EPHB1: variants seen among roughly 807,000 people sequenced by gnomAD.
The protein encoded by EPHB1 is EPH receptor B1, also known as ephrin type-B receptor 1.
Under a neutral mutation model 94.4 loss-of-function variants are expected in EPHB1, and 30 were observed. The observed-to-expected ratio is 0.32, with a 90% CI of 0.24 to 0.43. The LOEUF is 0.43. Ranked by LOEUF, EPHB1 falls within the 20% of genes least tolerant of loss-of-function variation. The pLI is 1.00. For synonymous variants in EPHB1, 522 were observed against 489.1 expected (o/e 1.07, Z -0.89); for missense variants, 1,055 against 1,308.3 (o/e 0.81, Z 2.99).
intron 1 of EPHB1, among the ~76,000 whole-genome samples, chr3:134,821,629 T>C (rs981536369): frequency 6.6e-6 from 1 of 151,988 alleles, no homozygotes; most frequent in Non-Finnish European, 1.5e-5. Context: ...GATTGTGTAA[T>C]AAAGAAGAAA....
At chr3:134,964,580 G>A (rs1933656618) in intron 3 of EPHB1, among the ~76,000 whole-genome samples, 1 of 152,204 alleles carries the variant, frequency 6.6e-6, no homozygotes, top group Non-Finnish European at 1.5e-5. Context: ...AAATGTGCCT[G>A]TTCTGGGAAT....
intron 3 of EPHB1, among the ~76,000 whole-genome samples, chr3:135,082,131 G>C (rs1228653597): frequency 6.6e-6 from 1 of 152,170 alleles, no homozygotes; most frequent in African/African-American, 2.4e-5. Flanking sequence ...GGTCAGGACT[G>C]ATAGAAGAGA....
chr3:134,886,976 T>C (rs546652579), intron 1 of EPHB1, among the ~76,000 whole-genome samples: 1 of 151,994 alleles, frequency 6.6e-6, no homozygotes, highest in Non-Finnish European at 1.5e-5. Context: ...GGAAAAAAAA[T>C]TGGAGATATA....
chr3:134,904,278 C>A (rs1259368425), intron 1 of EPHB1, among the ~76,000 whole-genome samples: 2 of 152,222 alleles, frequency 1.3e-5, no homozygotes, highest in African/African-American at 2.4e-5. Context: ...GGTTTAACTC[C>A]CACACTAATT....
chr3:135,047,154 G>A (rs758005548), intron 3 of EPHB1, among the ~76,000 whole-genome samples: 1 of 152,142 alleles, frequency 6.6e-6, no homozygotes, highest in African/African-American at 2.4e-5. Context: ...GAGGGACAGC[G>A]CACAACAGTC....
chr3:135,124,844 G>A (rs1940135185), intron 4 of EPHB1, among the ~76,000 whole-genome samples: 1 of 151,588 alleles, frequency 6.6e-6, no homozygotes, highest in African/African-American at 2.4e-5. Flanking sequence ...TTGCCCCAGT[G>A]AGATATCCTA....
intron 1 of EPHB1, among the ~76,000 whole-genome samples, chr3:134,884,071 G>A (rs1456745618): frequency 6.6e-6 from 1 of 152,220 alleles, no homozygotes; most frequent in Non-Finnish European, 1.5e-5. Flanking sequence ...CTAGAGCTGT[G>A]TGCCCTGCCC....
At chr3:134,891,288 T>C (rs1176733503) in intron 1 of EPHB1, among the ~76,000 whole-genome samples, 1 of 152,150 alleles carries the variant, frequency 6.6e-6, no homozygotes, top group Non-Finnish European at 1.5e-5. Context: ...TTTTGTATTT[T>C]TTGTAGAGAC....
Position 135,259,186 on chromosome 3 carries a change from AC to A in EPHB1, c.*68del. ...CAGGGTCAAGGGGGACCAGAGGTTG[AC>A]CACTGTGGAATGTACTGGAGAGACT... is the stretch of plus-strand genomic sequence containing the variant. On this transcript the variant is annotated 3_prime_UTR_variant, in exon 16 of 16. Coordinates refer to ENST00000398015, the MANE Select transcript of EPHB1 (RefSeq NM_004441.5). 1 of 1,279,884 alleles carries A rather than the reference AC, an allele frequency of 7.8e-7. No individual in the cohort carries two copies. Among genetic ancestry groups the A allele is most frequent in the Non-Finnish European group, 1.1e-6 (1 of 900,606 alleles). The allele number at this position is 1,279,884 out of a possible 1,614,324, so 79.3% of individuals were successfully genotyped here.
intron 12 of EPHB1, among the ~76,000 whole-genome samples, chr3:135,210,804 T>A (rs550040085): frequency 6.6e-6 from 1 of 152,250 alleles, no homozygotes; most frequent in African/African-American, 2.4e-5. Context: ...CCTGCTCAAC[T>A]TTGGTCATTT....
At chr3:134,873,496 C>A (rs1220912414) in intron 1 of EPHB1, among the ~76,000 whole-genome samples, 1 of 152,208 alleles carries the variant, frequency 6.6e-6, no homozygotes, top group Non-Finnish European at 1.5e-5. Flanking sequence ...TGCATCTCTG[C>A]AGTAATAGTG....
At chr3:135,154,078 G>T in intron 5 of EPHB1, 74 bp from the exon 6 acceptor site, 1 of 1,591,622 alleles carries the variant, frequency 6.3e-7, no homozygotes, top group Non-Finnish European at 8.6e-7. Flanking sequence ...TTCTCCCTAC[G>T]TACCTCTGGA....
intron 10 of EPHB1, among the ~76,000 whole-genome samples, chr3:135,183,062 CTTTCTT>C (rs1942219688): frequency 8.3e-6 from 1 of 119,852 alleles, no homozygotes; most frequent in Non-Finnish European, 1.8e-5. Flanking sequence ...TTCTTTCTTT[CTTTCTT>C]TCTTTCTTTC....
intron 1 of EPHB1, among the ~76,000 whole-genome samples, chr3:134,801,315 C>T (rs185306941): frequency 2.6e-5 from 4 of 152,304 alleles, no homozygotes; most frequent in Admixed American, 6.5e-5. Context: ...CTGGTATATT[C>T]GTTCCTCTCT....
At chr3:135,065,148 G>A (rs778450683) in intron 3 of EPHB1, among the ~76,000 whole-genome samples, 13 of 151,994 alleles carry the variant, frequency 8.6e-5, no homozygotes, top group East Asian at 3.9e-4. Flanking sequence ...AGAAAGTTCC[G>A]TGCACTGTTG....
intron 5 of EPHB1, among the ~76,000 whole-genome samples, chr3:135,145,370 A>C (rs1464831414): frequency 2.0e-5 from 3 of 152,156 alleles, no homozygotes; most frequent in Non-Finnish European, 2.9e-5. Flanking sequence ...CCAATCCTTC[A>C]TTCACAACCC....
In EPHB1 at chr3:135,025,221, A is replaced by ATTTAT. The variant is rs779516988; in HGVS notation, c.805+73171_805+73172insTATTT. 6.3e-3 allele frequency among the ~76,000 whole-genome samples: 619 copies of ATTTAT among 98,612 alleles called. 8 individuals carry two copies. Among genetic ancestry groups the ATTTAT allele is most frequent in the African/African-American group, 0.021 (582 of 27,472 alleles). The allele number at this position is 98,612 out of a possible 152,430, so 64.7% of individuals were successfully genotyped here. A position where few individuals can be genotyped will look rare whatever the true frequency, so the allele number is the denominator to read the frequency against. ...AGAATATTTATTTATTTATTTATTT[A>ATTTAT]TTATTATACTTTAAGTTTTAGGGTA... is the stretch of plus-strand genomic sequence containing the variant. On this transcript the variant is annotated intron_variant, in intron 3 of 15. Coordinates refer to ENST00000398015, the MANE Select transcript of EPHB1 (RefSeq NM_004441.5).
chr3:134,838,566 A>G (rs1285745694), intron 1 of EPHB1, among the ~76,000 whole-genome samples: 1 of 152,164 alleles, frequency 6.6e-6, no homozygotes, highest in African/African-American at 2.4e-5. Context: ...TTATGCTCAA[A>G]TTTAAAACCA....
chr3:135,171,303 G>A (rs1941794970), intron 9 of EPHB1, among the ~76,000 whole-genome samples: 1 of 152,228 alleles, frequency 6.6e-6, no homozygotes, highest in African/African-American at 2.4e-5. Context: ...GCATTTTTAA[G>A]TGGATACTGA....
Sources: gnomAD v4.1 joint callset for allele counts (sites outside exome capture counted in the v4.1 genomes callset) on GRCh38, gnomAD v4.1.1 for gene constraint, MANE v1.5 for transcripts, NCBI Gene and HGNC (gene_info 2026-07-23, HGNC 2026-07-21) for gene names.